Variants in LRRC7 observed in about 807,000 individuals in gnomAD.
The protein encoded by LRRC7 is leucine rich repeat containing 7, also known as leucine-rich repeat-containing protein 7.
LRRC7 carries 23 observed loss-of-function variants against 175.7 expected under a neutral mutation model. The observed-to-expected ratio is 0.13, with a 90% CI of 0.09 to 0.19. The LOEUF is 0.19. LRRC7 is among the 10% of genes least tolerant of loss of function. The pLI, the probability that LRRC7 is intolerant of heterozygous loss-of-function variation, is 1.00. For missense variants in LRRC7, 1,354 were observed against 1,904.7 expected, an observed-to-expected ratio of 0.71 and a Z score of 5.38; for synonymous variants, 685 against 680.9, an observed-to-expected ratio of 1.01 and a Z score of -0.09.
intron 1 of LRRC7, among the ~76,000 whole-genome samples, chr1:69,577,898 TTTTTCCAATTC>T (rs1193125457): frequency 6.6e-6 from 1 of 152,130 alleles, no homozygotes; most frequent in Admixed American, 6.6e-5. Context: ...TTAAAGTAGT[TTTTTCCAATTC>T]TTTGAAGAAA....
rs146234986 is a variant in LRRC7 at position 69,655,216 on chromosome 1, T to A, written c.3-23165T>A. Among the ~76,000 whole-genome samples, 906 of 152,158 alleles carry A rather than the reference T, an allele frequency of 6.0e-3. 9 individuals carry two copies. Among genetic ancestry groups the A allele is most frequent in the African/African-American group, 0.02 (849 of 41,512 alleles). On this transcript the variant is annotated intron_variant, in intron 1 of 26. Coordinates refer to ENST00000651989, the MANE Select transcript of LRRC7 (RefSeq NM_001370785.2). Reference sequence around the variant, plus strand: ...TTGAATATATTTACTACTAAGACAGTTGATAAGTTATGGGTTACATTCAAG... The same window carrying A: ...TTGAATATATTTACTACTAAGACAGATGATAAGTTATGGGTTACATTCAAG...
At chr1:69,954,210 C>G (rs1204869315) in intron 8 of LRRC7, among the ~76,000 whole-genome samples, 4 of 151,754 alleles carry the variant, frequency 2.6e-5, no homozygotes, top group Non-Finnish European at 5.9e-5. Flanking sequence ...GCATCCTGGT[C>G]AGGAGATTGA....
chr1:69,740,813 T>A (rs532442625), intron 2 of LRRC7, among the ~76,000 whole-genome samples: 1 of 151,980 alleles, frequency 6.6e-6, no homozygotes, highest in South Asian at 2.1e-4. Context: ...ACTAAACTGA[T>A]TTAACAGCCC....
intron 2 of LRRC7, among the ~76,000 whole-genome samples, chr1:69,753,042 G>T (rs1176808289): frequency 6.6e-6 from 1 of 152,062 alleles, no homozygotes; most frequent in East Asian, 1.9e-4. Context: ...AATGTATACT[G>T]GACGGTGGCC....
At chr1:69,911,021 C>A (rs1294621444) in intron 7 of LRRC7, among the ~76,000 whole-genome samples, 1 of 152,208 alleles carries the variant, frequency 6.6e-6, no homozygotes, top group Non-Finnish European at 1.5e-5. Flanking sequence ...ATATAATCTC[C>A]TGGTGTGCCG....
At chr1:69,792,499 A>C (rs1675242464) in intron 4 of LRRC7, among the ~76,000 whole-genome samples, 1 of 152,060 alleles carries the variant, frequency 6.6e-6, no homozygotes, top group African/African-American at 2.4e-5. Flanking sequence ...TATCACCTGC[A>C]TAACAAGGCC....
At chr1:69,917,395 G>A (rs944820802) in intron 7 of LRRC7, among the ~76,000 whole-genome samples, 1 of 152,130 alleles carries the variant, frequency 6.6e-6, no homozygotes, top group Non-Finnish European at 1.5e-5. Context: ...TCATGAAGAA[G>A]GCGTAGAGCC....
chr1:69,873,067 C>G (rs997950213), intron 7 of LRRC7, among the ~76,000 whole-genome samples: 1 of 151,990 alleles, frequency 6.6e-6, no homozygotes, highest in Non-Finnish European at 1.5e-5. Context: ...AAACAGTATG[C>G]GTTAATCATG....
At chr1:69,733,281 G>T (rs1367049908) in intron 2 of LRRC7, among the ~76,000 whole-genome samples, 8 of 151,980 alleles carry the variant, frequency 5.3e-5, no homozygotes, top group Non-Finnish European at 1.2e-4. Context: ...GATGTTCCCT[G>T]TTAGACATGC....
At chr1:69,714,460 A>C (rs559710969) in intron 2 of LRRC7, among the ~76,000 whole-genome samples, 2 of 130,054 alleles carry the variant, frequency 1.5e-5, no homozygotes, top group Non-Finnish European at 3.2e-5. Flanking sequence ...AAGTGTTATG[A>C]GAGGAAATGA....
intron 25 of LRRC7, among the ~76,000 whole-genome samples, chr1:70,101,564 G>C (rs1664809790): frequency 6.6e-6 from 1 of 152,114 alleles, no homozygotes; most frequent in Non-Finnish European, 1.5e-5. Context: ...AACTTTCTAA[G>C]TCCTTTAAGG....
At chr1:69,756,419 G>C (rs1166692968) in intron 2 of LRRC7, among the ~76,000 whole-genome samples, 3 of 151,414 alleles carry the variant, frequency 2.0e-5, no homozygotes, top group African/African-American at 7.3e-5. Flanking sequence ...AGAGTGAAAG[G>C]GCTCATCAAG....
intron 2 of LRRC7, among the ~76,000 whole-genome samples, chr1:69,713,798 T>C (rs768350946): frequency 1.3e-5 from 2 of 151,680 alleles, no homozygotes; most frequent in African/African-American, 4.8e-5. Context: ...ATAGAGATAA[T>C]TGTTTAACAT....
chr1:70,060,715 G>A (rs559841158), intron 23 of LRRC7, among the ~76,000 whole-genome samples: 14 of 152,208 alleles, frequency 9.2e-5, no homozygotes, highest in South Asian at 6.2e-4. Context: ...TAAGAGATGC[G>A]GAAATAGAAT....
Position 70,144,094 on chromosome 1 carries a change from G to GGT in LRRC7, c.*22207_*22208insGT, listed in dbSNP as rs1667204182. The stretch of plus-strand genomic sequence containing the variant: ...TACTGAACCAGTGAAATTAATTACT[G>GGT]TCAGTTAATTTGCAAATGCAAGCTG... On this transcript the variant is annotated 3_prime_UTR_variant, in exon 27 of 27. Coordinates refer to ENST00000651989, the MANE Select transcript of LRRC7 (RefSeq NM_001370785.2). The GGT allele has an allele frequency of 6.6e-6, 1 of 150,718 alleles. No homozygotes were observed. The highest frequency in any genetic ancestry group is 1.5e-5 in the Non-Finnish European group (1 of 66,964). The allele number at this position is 150,718 out of a possible 1,614,324, so 9.3% of individuals were successfully genotyped here. A position where few individuals can be genotyped will look rare whatever the true frequency, so the allele number is the denominator to read the frequency against.
chr1:69,786,668 C>A (rs1482836853), intron 3 of LRRC7, among the ~76,000 whole-genome samples: 1 of 152,050 alleles, frequency 6.6e-6, no homozygotes, highest in Non-Finnish European at 1.5e-5. Flanking sequence ...AGGGAAACTC[C>A]CCTTTTTAAA....
intron 14 of LRRC7, 50 bp downstream of exon 14, chr1:70,016,584 A>C: frequency 7.2e-7 from 1 of 1,383,414 alleles, no homozygotes; most frequent in Middle Eastern, 2.4e-4. Context: ...CTATAATTGA[A>C]AGTTTGAATT....
intron 1 of LRRC7, among the ~76,000 whole-genome samples, chr1:69,593,441 A>G (rs1646718636): frequency 6.6e-6 from 1 of 152,140 alleles, no homozygotes; most frequent in Non-Finnish European, 1.5e-5. Flanking sequence ...TTTATTCCTA[A>G]GCAAATAGGA....
chr1:70,124,755 T>A lies in LRRC7; in HGVS notation c.*2868T>A, dbSNP rs113137130. Among the ~76,000 whole-genome samples the A allele has an allele frequency of 0.012, 1,767 of 145,418 alleles. 31 individuals carry two copies. Among genetic ancestry groups the A allele is most frequent in the African/African-American group, 0.039 (1,528 of 39,438 alleles). ...AAAAAAAAGTCAAGGGTGTGCCTTT[T>A]AAAAAAAAAAAAGAAAAATCAATAA... is the stretch of plus-strand genomic sequence containing the variant. On this transcript the variant is annotated 3_prime_UTR_variant, in exon 27 of 27. Transcript: ENST00000651989.
Sources: allele counts gnomAD v4.1 joint callset (sites outside exome capture counted in the v4.1 genomes callset), GRCh38; gene constraint gnomAD v4.1.1; transcripts MANE v1.5; gene names NCBI Gene and HGNC (gene_info 2026-07-23, HGNC 2026-07-21).